BARD1: variants seen among roughly 807,000 people sequenced by gnomAD.
BARD1 encodes BRCA1 associated RING domain 1.
BARD1 carries 73 observed loss-of-function variants against 77.0 expected under a neutral mutation model. The ratio of observed to expected loss-of-function variants is 0.95; its 90% CI spans 0.79 to 1.15. The LOEUF (loss-of-function observed/expected upper bound fraction) is 1.15, where lower values mean the gene tolerates loss of function less well. Ranked by LOEUF, BARD1 falls within the 50% of genes most tolerant of loss-of-function variation. The pLI, the probability that BARD1 is intolerant of heterozygous loss-of-function variation, is 0.00. For missense variants in BARD1, 993 were observed against 938.8 expected (o/e 1.06, Z -0.75); for synonymous variants, 384 against 338.0 (o/e 1.14, Z -1.49).
chr2:214,791,047 T>C (rs1452625472), intron 3 of BARD1, among the ~76,000 whole-genome samples: 5 of 152,190 alleles, frequency 3.3e-5, no homozygotes, highest in Non-Finnish European at 7.4e-5. Context: ...TTTTCTTCAG[T>C]GTGTTCTTAA....
chr2:214,799,734 C>T (rs1276463526), intron 1 of BARD1, among the ~76,000 whole-genome samples: 2 of 152,102 alleles, frequency 1.3e-5, no homozygotes, highest in African/African-American at 4.8e-5. Flanking sequence ...TTGATCATAC[C>T]TCCCATTCTA....
At chr2:214,787,905 C>T (rs772980037) in intron 3 of BARD1, among the ~76,000 whole-genome samples, 2 of 151,946 alleles carry the variant, frequency 1.3e-5, no homozygotes, top group African/African-American at 4.8e-5. Flanking sequence ...ATCTCTTTGA[C>T]GAACCAGTCC....
At chr2:214,787,917 T>G (rs891993882) in intron 3 of BARD1, among the ~76,000 whole-genome samples, 3 of 152,014 alleles carry the variant, frequency 2.0e-5, no homozygotes, top group Non-Finnish European at 2.9e-5. Flanking sequence ...AACCAGTCCC[T>G]TATTAAAAAT....
rs374293292 is a variant in BARD1, at chr2:214,752,523, G to C, written c.1601C>G (p.Thr534Arg). ...TAGCGATTTCATACTTTCATCATCT[G>C]TATAATCGACAGGCCGCAGACCAAA... ...NIFGLRPVDY[T>R]DDESMKSLLL... The change falls in exon 7 of 11, where the codon ACA (threonine) becomes AGA (arginine). Residue 534 changes from threonine (T) to arginine (R), a missense_variant. Coordinates refer to ENST00000260947, the MANE Select transcript of BARD1 (RefSeq NM_000465.4). 1 of 1,613,668 alleles carries C rather than the reference G, an allele frequency of 6.2e-7. No homozygotes were observed. The highest frequency in any genetic ancestry group is 1.1e-5 in the South Asian group (1 of 91,074).
chr2:214,760,158 T>C (rs189269543), intron 6 of BARD1, among the ~76,000 whole-genome samples: 1 of 152,328 alleles, frequency 6.6e-6, no homozygotes, highest in African/African-American at 2.4e-5. Flanking sequence ...GTCTCCAATA[T>C]TTAAAGTCAC....
At chr2:214,757,479 G>A (rs1392577425) in intron 6 of BARD1, among the ~76,000 whole-genome samples, 1 of 152,028 alleles carries the variant, frequency 6.6e-6, no homozygotes, top group Non-Finnish European at 1.5e-5. Flanking sequence ...ATGAAATACT[G>A]GATGATTTGT....
intron 6 of BARD1, among the ~76,000 whole-genome samples, chr2:214,760,586 G>A (rs980416138): frequency 1.3e-5 from 2 of 152,054 alleles, no homozygotes; most frequent in East Asian, 1.9e-4. Flanking sequence ...AGTGACATCC[G>A]AGACTAACTC....
At chr2:214,735,107 A>C (rs575389273) in intron 9 of BARD1, among the ~76,000 whole-genome samples, 12 of 152,258 alleles carry the variant, frequency 7.9e-5, no homozygotes, top group African/African-American at 2.6e-4. Context: ...ATTAAGATTA[A>C]ACTTAGGGCC....
intron 10 of BARD1, among the ~76,000 whole-genome samples, chr2:214,729,536 TA>T (rs1007620299): frequency 6.6e-5 from 10 of 152,144 alleles, no homozygotes; most frequent in African/African-American, 2.2e-4. Context: ...CTTAGGCAAA[TA>T]GGGGCTTCCT....
At position 214,728,801 on chromosome 2, in the gene BARD1, T is replaced by C. The variant is rs761655616; in HGVS notation, c.2209A>G (p.Ile737Val). Reference protein sequence around the residue: ...DSDQRFCTQYIIYEDLCNYHP... With the variant: ...DSDQRFCTQYVIYEDLCNYHP... The stretch of plus-strand genomic sequence containing the variant: ...TAATTACACAAATCTTCATAGATGA[T>C]ATACTGTGTGCAGAAGCGCTGATCA... Residue 737 changes from isoleucine (I) to valine (V), a missense_variant, in exon 11 of 11, where the codon ATC becomes GTC. Transcript: ENST00000260947. 1.1e-5 allele frequency: 17 copies of C among 1,614,082 alleles called. No individual in the cohort carries two copies. Among genetic ancestry groups the C allele is most frequent in the Non-Finnish European group, 1.4e-5 (17 of 1,180,026 alleles).
intron 9 of BARD1, among the ~76,000 whole-genome samples, chr2:214,732,617 G>A (rs933266317): frequency 7.9e-5 from 12 of 151,910 alleles, no homozygotes; most frequent in Non-Finnish European, 1.5e-4. Flanking sequence ...GGATGGTCTC[G>A]ATCTCCTGAC....
Position 214,745,866 on chromosome 2 carries a change from A to C in BARD1, c.1678-12T>G, listed in dbSNP as rs1553615187. 6.2e-7 allele frequency: 1 copy of C among 1,613,876 alleles called. No homozygotes were observed. Among genetic ancestry groups the C allele is most frequent in the Non-Finnish European group, 8.5e-7 (1 of 1,179,900 alleles). On this transcript the variant is annotated splice_polypyrimidine_tract_variant and intron_variant, in intron 7 of 10. Transcript: ENST00000260947. ...TGCCCAGTGTTCATCTGTTAATATA[A>C]AAGGAGATACCAGTGTTAAAAACAT... is the stretch of plus-strand genomic sequence containing the variant.
At position 214,789,658 on chromosome 2, in the gene BARD1, G is replaced by A. The variant is rs869312500; in HGVS notation, c.364+2639C>T. Among the ~76,000 whole-genome samples the A allele has an allele frequency of 6.6e-6, 1 of 151,860 alleles. No individual in the cohort carries two copies. On this transcript the variant is annotated intron_variant, in intron 3 of 10. Coordinates refer to ENST00000260947, the MANE Select transcript of BARD1 (RefSeq NM_000465.4). ...CAAACATAATGAATACCTACACTTC[G>A]AACCAAAAAGTTGTGTAAAATAGAA... is the stretch of plus-strand genomic sequence containing the variant.
At position 214,780,720 on chromosome 2, in the gene BARD1, T is replaced by C. The variant is rs1694956218; in HGVS notation, c.1154A>G (p.Asp385Gly). 6.2e-7 allele frequency: 1 copy of C among 1,613,960 alleles called. No homozygotes were observed. Among genetic ancestry groups the C allele is most frequent in the South Asian group, 1.1e-5 (1 of 91,084 alleles). ...ACCTGGTGAAAGACTAATGAATTCA[T>C]CGGACATGTTACTGTTTTTCCTCCC... ...TSGRKNSNMS[D>G]EFISLSPGTP... The change falls in exon 4 of 11, where the codon GAT becomes GGT. Residue 385 changes from aspartate to glycine, a missense_variant. Asp to Gly is a moderately conservative substitution (Grantham distance 94, BLOSUM62 -1). Transcript: ENST00000260947.
intron 9 of BARD1, among the ~76,000 whole-genome samples, chr2:214,732,915 G>A (rs1377506492): frequency 6.6e-6 from 1 of 152,006 alleles, no homozygotes; most frequent in African/African-American, 2.4e-5. Flanking sequence ...CGACAGAACT[G>A]AAAAAACTGG....
Position 214,785,749 on chromosome 2 carries a change from C to T in BARD1, c.365-4240G>A, listed in dbSNP as rs1298692662. Among the ~76,000 whole-genome samples the T allele has an allele frequency of 2.0e-5, 3 of 151,700 alleles. No individual in the cohort carries two copies. The South Asian group carries it at 6.2e-4, about 32-fold the overall frequency. ...AGAAAGAAAGAAAGAAAAAGAAGAA[C>T]ATTAGAAACGGAGGAAAGTTGGAAA... On this transcript the variant is annotated intron_variant, in intron 3 of 10. Coordinates refer to ENST00000260947, the MANE Select transcript of BARD1 (RefSeq NM_000465.4).
intron 2 of BARD1, among the ~76,000 whole-genome samples, chr2:214,793,642 A>G (rs1362503851): frequency 6.6e-6 from 1 of 152,190 alleles, no homozygotes; most frequent in Admixed American, 6.5e-5. Context: ...AATGAGATCC[A>G]GTTATTTAAG....
At chr2:214,757,801 TG>T (rs1477591008) in intron 6 of BARD1, among the ~76,000 whole-genome samples, 1 of 152,092 alleles carries the variant, frequency 6.6e-6, no homozygotes, top group African/African-American at 2.4e-5. Flanking sequence ...TTTTGCAGTC[TG>T]GTAAAGCTCC....
At chr2:214,736,916 T>C (rs1259171532) in intron 9 of BARD1, among the ~76,000 whole-genome samples, 1 of 152,154 alleles carries the variant, frequency 6.6e-6, no homozygotes, top group African/African-American at 2.4e-5. Flanking sequence ...CAAGCAACAA[T>C]TTGCAGAATC....
Sources: gnomAD v4.1 joint callset for allele counts (sites outside exome capture counted in the v4.1 genomes callset) on GRCh38, gnomAD v4.1.1 for gene constraint, MANE v1.5 for transcripts, NCBI Gene and HGNC (gene_info 2026-07-23, HGNC 2026-07-21) for gene names.